Variants in DPH6 observed in about 807,000 individuals in gnomAD.
DPH6 encodes the protein diphthine--ammonia ligase.
In DPH6, 33 loss-of-function variants were observed where a neutral mutation model predicts 38.2. The observed-to-expected ratio is 0.86, with a 90% CI of 0.65 to 1.15. The LOEUF is 1.15. Ranked by LOEUF, DPH6 falls within the 50% of genes most tolerant of loss-of-function variation. The probability of loss-of-function intolerance (pLI) is 0.00; values close to 1 mark genes in which losing one functional copy is unlikely to be tolerated. For synonymous variants in DPH6, 108 were observed against 103.0 expected, an observed-to-expected ratio of 1.05 and a Z score of -0.30; for missense variants, 325 against 320.0, an observed-to-expected ratio of 1.02 and a Z score of -0.12.
chr15:35,420,847 G>A (rs10152716), intron 5 of DPH6, among the ~76,000 whole-genome samples: 1 of 151,910 alleles, frequency 6.6e-6, no homozygotes, highest in African/African-American at 2.4e-5. Context: ...CTAAATAAAA[G>A]GGACAAACCC....
At chr15:35,151,740 A>C in the DPH6 span, among the ~76,000 whole-genome samples, 4 of 152,252 alleles carry the variant, frequency 2.6e-5, no homozygotes, top group Non-Finnish European at 4.4e-5. Context: ...ACCCTGAACT[A>C]GAATAAGAAA....
At chr15:35,180,241 GAATAA>G in the DPH6 span, among the ~76,000 whole-genome samples, 1 of 151,904 alleles carries the variant, frequency 6.6e-6, no homozygotes, top group African/African-American at 2.4e-5. Flanking sequence ...ATGAATAAGT[GAATAA>G]ACTCATTAAT....
At chr15:35,475,490 AC>A (rs1450847403) in intron 3 of DPH6, among the ~76,000 whole-genome samples, 1 of 151,996 alleles carries the variant, frequency 6.6e-6, no homozygotes, top group Non-Finnish European at 1.5e-5. Context: ...AAGATGACCG[AC>A]CAACTATCCG....
intron 3 of DPH6, among the ~76,000 whole-genome samples, chr15:35,482,868 A>G (rs763704449): frequency 6.6e-6 from 1 of 152,140 alleles, no homozygotes; most frequent in Non-Finnish European, 1.5e-5. Flanking sequence ...TGTGCTTTAA[A>G]AAACATCATC....
At chr15:35,396,733 A>C (rs897779784) in intron 6 of DPH6, among the ~76,000 whole-genome samples, 34 of 152,190 alleles carry the variant, frequency 2.2e-4, no homozygotes, top group African/African-American at 7.5e-4. Flanking sequence ...ACAAAGTTCT[A>C]TATATCCTTC....
intron 3 of DPH6, among the ~76,000 whole-genome samples, chr15:35,340,316 C>T (rs781662033): frequency 2.6e-5 from 4 of 152,148 alleles, no homozygotes; most frequent in Non-Finnish European, 5.9e-5. Context: ...ATTGATGGGT[C>T]TTGGCTGTTT....
At chr15:35,303,099 T>C (rs1440645490) in intron 3 of DPH6, among the ~76,000 whole-genome samples, 1 of 152,074 alleles carries the variant, frequency 6.6e-6, no homozygotes, top group Non-Finnish European at 1.5e-5. Flanking sequence ...GGTGGTGCAT[T>C]GTCTCTTACA....
At chr15:35,223,243 CAA>C (rs1433214029) in intron 3 of DPH6, among the ~76,000 whole-genome samples, 3 of 151,976 alleles carry the variant, frequency 2.0e-5, no homozygotes, top group African/African-American at 7.3e-5. Flanking sequence ...GGTAGAAGAG[CAA>C]AAAGAGGGCA....
chr15:35,417,274 A>T (rs907185846), intron 5 of DPH6, among the ~76,000 whole-genome samples: 6 of 152,130 alleles, frequency 3.9e-5, no homozygotes, highest in East Asian at 1.9e-4. Context: ...ATCTGAAAAA[A>T]CAGATCTTTT....
chr15:35,377,055 A>G (rs1328975409), intron 7 of DPH6, among the ~76,000 whole-genome samples: 2 of 152,214 alleles, frequency 1.3e-5, no homozygotes, highest in African/African-American at 4.8e-5. Context: ...ATAAAAATAA[A>G]GATTAGTAGG....
chr15:35,333,032 G>T (rs1052649077), intron 3 of DPH6, among the ~76,000 whole-genome samples: 11 of 151,448 alleles, frequency 7.3e-5, no homozygotes, highest in Non-Finnish European at 1.6e-4. Flanking sequence ...GCTTGTGTGA[G>T]GATGTCAAAT....
chr15:35,529,083 C>A (rs530131761), intron 3 of DPH6, among the ~76,000 whole-genome samples: 1 of 152,300 alleles, frequency 6.6e-6, no homozygotes, highest in Non-Finnish European at 1.5e-5. Context: ...TTAACATTCT[C>A]TTAGCCATCC....
At chr15:35,306,552 C>T (rs1366559814) in intron 3 of DPH6, among the ~76,000 whole-genome samples, 1 of 152,202 alleles carries the variant, frequency 6.6e-6, no homozygotes, top group Non-Finnish European at 1.5e-5. Context: ...CTATCAACCT[C>T]AGGGCATTAA....
chr15:35,188,009 G>A, the DPH6 span, among the ~76,000 whole-genome samples: 3 of 152,268 alleles, frequency 2.0e-5, no homozygotes, highest in African/African-American at 7.2e-5. Flanking sequence ...CAGATGTGGT[G>A]CTGCTACAGT....
At chr15:35,398,558 TTCC>T (rs1188758752) in intron 6 of DPH6, among the ~76,000 whole-genome samples, 2 of 152,188 alleles carry the variant, frequency 1.3e-5, no homozygotes, top group Non-Finnish European at 2.9e-5. Context: ...CTGTGCCGCC[TTCC>T]TACATACATT....
the DPH6 span, among the ~76,000 whole-genome samples, chr15:35,201,894 A>G: frequency 1.3e-5 from 2 of 151,654 alleles, no homozygotes; most frequent in African/African-American, 4.8e-5. Context: ...GTCACTATAC[A>G]TTTATGTAAG....
chr15:35,450,608 T>G, intron 5 of DPH6, 77 bp downstream of exon 5: 2 of 1,169,214 alleles, frequency 1.7e-6, no homozygotes, highest in Non-Finnish European at 2.5e-6. Context: ...TTTTCTTTGT[T>G]CATTTTAACT....
At chr15:35,377,886 T>G (rs2140932334) in intron 7 of DPH6, among the ~76,000 whole-genome samples, 1 of 152,044 alleles carries the variant, frequency 6.6e-6, no homozygotes, top group African/African-American at 2.4e-5. Context: ...TTTTTTTTTT[T>G]AGAGACAGGG....
rs1036326882 is a variant in DPH6, at chr15:35,520,924, C to T, written c.312+17350G>A. On this transcript the variant is annotated intron_variant, in intron 3 of 8. Coordinates refer to ENST00000256538, the MANE Select transcript of DPH6 (RefSeq NM_080650.4). ...ACTCATTTTGTCACTCTCAAAATTC[C>T]AGAGAGATTAGCACCTTCTCTGAAA... 25 of 985,102 alleles carry T rather than the reference C, an allele frequency of 2.5e-5. No individual in the cohort carries two copies. In the Admixed American group the frequency reaches 1.5e-3, roughly 58 times the overall value. The allele number at this position is 985,102 out of a possible 1,614,324, so 61.0% of individuals were successfully genotyped here.
Sources: gnomAD v4.1 joint callset for allele counts (sites outside exome capture counted in the v4.1 genomes callset) on GRCh38, gnomAD v4.1.1 for gene constraint, MANE v1.5 for transcripts, NCBI Gene and HGNC (gene_info 2026-07-23, HGNC 2026-07-21) for gene names.